Variants in DYSF observed in about 807,000 individuals in gnomAD.
DYSF encodes the protein dysferlin.
In DYSF, 212 loss-of-function variants were observed where a neutral mutation model predicts 274.9. The ratio of observed to expected loss-of-function variants is 0.77; its 90% CI spans 0.69 to 0.86. The LOEUF is 0.86. Ranked by LOEUF, DYSF falls within the 40% of genes least tolerant of loss-of-function variation. The probability of loss-of-function intolerance (pLI) is 0.00; values close to 1 mark genes in which losing one functional copy is unlikely to be tolerated. For synonymous variants in DYSF, 1,091 were observed against 1,078.7 expected, an observed-to-expected ratio of 1.01 and a Z score of -0.22; for missense variants, 2,666 against 2,783.2, an observed-to-expected ratio of 0.96 and a Z score of 0.95.
chr2:71,521,392 G>C (rs763164387), intron 12 of DYSF, among the ~76,000 whole-genome samples: 1 of 152,248 alleles, frequency 6.6e-6, no homozygotes, highest in Non-Finnish European at 1.5e-5. Flanking sequence ...CTTTGTGGGA[G>C]AGGAGTGAGG....
chr2:71,611,715 T>C, intron 38 of DYSF, 89 bp downstream of exon 38: 1 of 1,483,906 alleles, frequency 6.7e-7, no homozygotes, highest in South Asian at 1.2e-5. Flanking sequence ...TGTGCTCCAA[T>C]TCCCTGCGGG....
chr2:71,466,676 G>T, upstream of DYSF: 1 of 1,354,384 alleles, frequency 7.4e-7, no homozygotes, highest in Admixed American at 3.2e-5. Context: ...TGTCCTCCCT[G>T]CAGCCTCTCC....
At chr2:71,484,554 C>T (rs1187017972) in intron 3 of DYSF, among the ~76,000 whole-genome samples, 1 of 152,104 alleles carries the variant, frequency 6.6e-6, no homozygotes, top group Non-Finnish European at 1.5e-5. Context: ...TTAAAATATA[C>T]AATAGATTAT....
At chr2:71,516,946 C>G (rs944678848) in intron 9 of DYSF, 43 bp from the exon 10 acceptor site, 2 of 1,604,388 alleles carry the variant, frequency 1.2e-6, no homozygotes, top group Non-Finnish European at 1.7e-6. Context: ...GTGTGGGCCA[C>G]ATGTTCCCTG....
intron 36 of DYSF, among the ~76,000 whole-genome samples, chr2:71,609,128 G>T (rs1160264440): frequency 2.0e-5 from 3 of 152,138 alleles, no homozygotes; most frequent in Non-Finnish European, 4.4e-5. Flanking sequence ...TCAAACTGGG[G>T]GTCCCCATAG....
rs201079337 is a variant in DYSF, at chr2:71,648,118, AG to A, written c.4626+4056del. Among the ~76,000 whole-genome samples the A allele has an allele frequency of 1.6e-4, 25 of 152,374 alleles. No homozygotes were observed. The East Asian group carries it at 4.2e-3, about 26-fold the overall frequency. On this transcript the variant is annotated intron_variant, in intron 42 of 55. Coordinates refer to ENST00000410020, the MANE Select transcript of DYSF (RefSeq NM_001130987.2). The stretch of plus-strand genomic sequence containing the variant: ...CCTGAATTCAAAAATCCTGCAAAAA[AG>A]AAAAGAAAATCAAAATGAAAACTTA...
intron 3 of DYSF, among the ~76,000 whole-genome samples, chr2:71,497,624 T>A (rs1453948736): frequency 6.6e-6 from 1 of 152,182 alleles, no homozygotes; most frequent in Non-Finnish European, 1.5e-5. Context: ...TCATTAGCAG[T>A]GTGAGAACAG....
At chr2:71,483,191 G>A (rs1042905846) in intron 3 of DYSF, among the ~76,000 whole-genome samples, 2 of 152,224 alleles carry the variant, frequency 1.3e-5, no homozygotes, top group African/African-American at 2.4e-5. Context: ...TGCAAGGTGT[G>A]GGGCCCAGGC....
chr2:71,572,379 A>G (rs1294891919), intron 29 of DYSF, among the ~76,000 whole-genome samples: 2 of 152,246 alleles, frequency 1.3e-5, no homozygotes, highest in African/African-American at 2.4e-5. Context: ...ACACCCACAG[A>G]TGCTTATAGA....
At chr2:71,521,364 G>T (rs2087254909) in intron 12 of DYSF, among the ~76,000 whole-genome samples, 1 of 152,226 alleles carries the variant, frequency 6.6e-6, no homozygotes, top group African/African-American at 2.4e-5. Context: ...GAGAAGAGGA[G>T]AAAAGGTTTG....
intron 3 of DYSF, among the ~76,000 whole-genome samples, chr2:71,488,533 T>G (rs1030486913): frequency 6.6e-6 from 1 of 152,258 alleles, no homozygotes; most frequent in African/African-American, 2.4e-5. Context: ...ACCTGTTAAA[T>G]GAGGAGGTCT....
chr2:71,617,240 CTT>C (rs936221795), intron 40 of DYSF, among the ~76,000 whole-genome samples: 1 of 152,200 alleles, frequency 6.6e-6, no homozygotes, highest in African/African-American at 2.4e-5. Context: ...AGAGAAATAA[CTT>C]TTAGGAAGTT....
At position 71,600,810 on chromosome 2, in the gene DYSF, C is replaced by T. The variant is rs1342862261; in HGVS notation, c.3865C>T (p.Leu1289=). 1 of 1,613,118 alleles carries T rather than the reference C, an allele frequency of 6.2e-7. No individual in the cohort carries two copies. Among genetic ancestry groups the T allele is most frequent in the Admixed American group, 1.7e-5 (1 of 60,022 alleles). Residue 1289 remains leucine (L), a synonymous_variant, in exon 34 of 56, where the codon CTG becomes TTG. Transcript: ENST00000410020. ...TRGSQPSGEL[L]ASFELIQREK... is the part of the protein sequence containing the mutation. ...GGGCAGCCAGCCGTCGGGGGAGCTG[C>T]TGGCCTCTTTTGAGCTCATCCAGAG...
intron 36 of DYSF, among the ~76,000 whole-genome samples, chr2:71,608,436 C>A (rs2093684596): frequency 1.3e-5 from 2 of 152,066 alleles, no homozygotes; most frequent in South Asian, 2.1e-4. Flanking sequence ...TCCTGGGACC[C>A]CTGGGGACAG....
rs1380445654 is a variant in DYSF at position 71,551,636 on chromosome 2, T to G, written c.1722T>G (p.Leu574=). 6.2e-7 allele frequency: 1 copy of G among 1,609,652 alleles called. No individual in the cohort carries two copies. Among genetic ancestry groups the G allele is most frequent in the Non-Finnish European group, 8.5e-7 (1 of 1,179,022 alleles). ...KGEGVAYRGR[L]LLSLETKLVE... is the part of the protein sequence containing the mutation. ...AAGGTGTGGCTTATCGTGGCCGGCT[T>G]CTGCTCTCCCTGGAGACCAAGCTGG... The change falls in exon 19 of 56, where the codon CTT becomes CTG. Residue 574 remains leucine (L), a synonymous_variant. Coordinates refer to ENST00000410020, the MANE Select transcript of DYSF (RefSeq NM_001130987.2).
chr2:71,492,705 C>CT (rs969033041), intron 3 of DYSF, among the ~76,000 whole-genome samples: 1 of 139,236 alleles, frequency 7.2e-6, no homozygotes, highest in Non-Finnish European at 1.6e-5. Context: ...TCCTCCCCCC[C>CT]CCCCTTTTCT....
intron 51 of DYSF, 92 bp downstream of exon 51, chr2:71,669,838 C>A: frequency 6.5e-7 from 1 of 1,545,638 alleles, no homozygotes; most frequent in Non-Finnish European, 8.9e-7. Context: ...GCAACTGTCA[C>A]AATCTCACTG....
chr2:71,473,537 C>G (rs1296190412), intron 1 of DYSF, among the ~76,000 whole-genome samples: 2 of 152,200 alleles, frequency 1.3e-5, no homozygotes, highest in African/African-American at 4.8e-5. Flanking sequence ...GTCTCTCTCA[C>G]TGGGAGTCTG....
rs544367434 is a variant in DYSF, at chr2:71,566,717, A to AC, written c.2566-1231dup. Among the ~76,000 whole-genome samples, 298 of 152,062 alleles carry AC rather than the reference A, an allele frequency of 2.0e-3. 3 individuals carry two copies. Among genetic ancestry groups the AC allele is most frequent in the African/African-American group, 6.3e-3 (262 of 41,484 alleles). On this transcript the variant is annotated intron_variant, in intron 24 of 55. Transcript: ENST00000410020. Reference sequence around the variant, plus strand: ...GTTTGGAGGGTAAAGGCAGTTAACCACCCGGGGGAGAGGACAGCCGAAGCG... The same window carrying AC: ...GTTTGGAGGGTAAAGGCAGTTAACCACCCCGGGGGAGAGGACAGCCGAAGCG...
Sources: allele counts gnomAD v4.1 joint callset (sites outside exome capture counted in the v4.1 genomes callset), GRCh38; gene constraint gnomAD v4.1.1; transcripts MANE v1.5; gene names NCBI Gene and HGNC (gene_info 2026-07-23, HGNC 2026-07-21).